The following PLEKHJ1 variants were observed in gnomAD, a reference collection of about 807,000 sequenced individuals.
The protein encoded by PLEKHJ1 is pleckstrin homology domain containing J1, also known as pleckstrin homology domain-containing family J member 1.
PLEKHJ1 carries 20 observed loss-of-function variants against 21.7 expected under a neutral mutation model. That is an observed-to-expected ratio of 0.92 (90% CI 0.65 to 1.34). PLEKHJ1 has a LOEUF of 1.34. Among genes scored for constraint, PLEKHJ1 ranks in the 40% most tolerant of loss-of-function variants. The probability of loss-of-function intolerance (pLI) is 0.00; values close to 1 mark genes in which losing one functional copy is unlikely to be tolerated. For missense variants in PLEKHJ1, 241 were observed against 202.0 expected (o/e 1.19, Z -1.17); for synonymous variants, 113 against 80.6 (o/e 1.40, Z -2.15).
chr19:2,234,272 C>A, intron 3 of PLEKHJ1, 32 bp from the exon 4 acceptor site: 1 of 1,543,952 alleles, frequency 6.5e-7, no homozygotes, highest in Admixed American at 1.7e-5. Context: ...TCGGTCCTAC[C>A]CACAGCCACA....
chr19:2,236,228 C>T lies in PLEKHJ1; in HGVS notation c.21G>A (p.Glu7=). Residue 7 remains glutamate (E), a synonymous_variant, in exon 1 of 6, where the codon GAG becomes GAA. Coordinates refer to ENST00000326631, the MANE Select transcript of PLEKHJ1 (RefSeq NM_018049.3). ...CCGGCTGCCGGGACAGAGCCTGCAG[C>T]TCCTTCTCGTTGTACCGCATGGCTC... MRYNEK[E]LQALSRQPAE... is the part of the protein sequence containing the mutation. 6.9e-7 allele frequency: 1 copy of T among 1,459,678 alleles called. No individual in the cohort carries two copies. Among genetic ancestry groups the T allele is most frequent in the Non-Finnish European group, 9.0e-7 (1 of 1,110,298 alleles). The allele number at this position is 1,459,678 out of a possible 1,614,324, so 90.4% of individuals were successfully genotyped here.
In PLEKHJ1 at chr19:2,233,859, A is replaced by G. The variant is rs1489799533; in HGVS notation, c.431T>C (p.Leu144Pro). The part of the protein sequence containing the change: ...FGISEEARFQ[L>P]SGLQA Reference sequence around the variant, plus strand: ...CTGCGCTCACGCCTGCAAGCCACTCAGCTGGAACCTGGCCTCCTCGGATAT... The same window carrying G: ...CTGCGCTCACGCCTGCAAGCCACTCGGCTGGAACCTGGCCTCCTCGGATAT... The change falls in exon 6 of 6, where the codon CTG becomes CCG. Residue 144 changes from leucine to proline, a missense_variant. Coordinates refer to ENST00000326631, the MANE Select transcript of PLEKHJ1 (RefSeq NM_018049.3). 6.2e-7 allele frequency: 1 copy of G among 1,611,344 alleles called. No homozygotes were observed. Among genetic ancestry groups the G allele is most frequent in the Non-Finnish European group, 8.5e-7 (1 of 1,179,602 alleles).
chr19:2,235,325 G>A (rs1388470023), intron 3 of PLEKHJ1: 2 of 166,666 alleles, frequency 1.2e-5, no homozygotes, highest in Middle Eastern at 2.6e-3. Context: ...AACTAGCAGG[G>A]ACTCCATCTT....
Position 2,235,929 on chromosome 19 carries a change from C to T in PLEKHJ1, c.156G>A (p.Glu52=). Residue 52 remains glutamate (E), a synonymous_variant, in exon 2 of 6, where the codon GAG becomes GAA. Transcript: ENST00000326631. ...VNFLFYFRTD[E]AEPVGALLLE... ...GCGCCCGGGACGCCCCTACCTCGGC[C>T]TCGTCTGTCCGAAAGTAGAAGAGGA... 4 of 1,609,992 alleles carry T rather than the reference C, an allele frequency of 2.5e-6. No individual in the cohort carries two copies. The highest frequency in any genetic ancestry group is 3.4e-6 in the Non-Finnish European group (4 of 1,178,844).
rs1281257961 is a variant in PLEKHJ1, at chr19:2,235,776, C to T, written c.215G>A (p.Gly72Asp). Residue 72 changes from glycine (G) to aspartate (D), a missense_variant, in exon 3 of 6, where the codon GGC (glycine) becomes GAC (aspartate). Gly to Asp is a moderately conservative substitution (Grantham distance 94). Coordinates refer to ENST00000326631, the MANE Select transcript of PLEKHJ1 (RefSeq NM_018049.3). ...GCCCCACTCACTGATGGAGAAGGTG[C>T]CGGGCTCTTCCCGGACGACTCTGCA... ...ERCRVVREEP[G>D]TFSISFIEDP... is the part of the protein sequence containing the mutation. 6.5e-7 allele frequency: 1 copy of T among 1,549,182 alleles called. No homozygotes were observed. Among genetic ancestry groups the T allele is most frequent in the South Asian group, 1.2e-5 (1 of 84,090 alleles).
Position 2,235,794 on chromosome 19 carries a change from A to C in PLEKHJ1, c.197T>G (p.Val66Gly). The C allele has an allele frequency of 6.5e-7, 1 of 1,550,270 alleles. No homozygotes were observed. Among genetic ancestry groups the C allele is most frequent in the Non-Finnish European group, 8.7e-7 (1 of 1,147,246 alleles). ...VGALLLERCR[V>G]VREEPGTFSI... Reference sequence around the variant, plus strand: ...GAAGGTGCCGGGCTCTTCCCGGACGACTCTGCAGCGCTCCAGCAGCAGGGC... The same window carrying C: ...GAAGGTGCCGGGCTCTTCCCGGACGCCTCTGCAGCGCTCCAGCAGCAGGGC... The change falls in exon 3 of 6, where the codon GTC becomes GGC. Residue 66 changes from valine (V) to glycine (G), a missense_variant. Val to Gly is a moderately radical substitution (Grantham distance 109). Transcript: ENST00000326631.
At chr19:2,235,420 G>A (rs751816386) in intron 3 of PLEKHJ1, 3 of 280,020 alleles carry the variant, frequency 1.1e-5, no homozygotes, top group African/African-American at 2.2e-5. Context: ...CCAGCCCGGG[G>A]CCATATAACA....
At chr19:2,230,654 TAG>T, downstream of PLEKHJ1, 1 of 398,562 alleles carries the variant, frequency 2.5e-6, no homozygotes, top group Non-Finnish European at 4.4e-6. Context: ...CAGTATTTTA[TAG>T]AGATGTGATG....
At chr19:2,230,454 C>CT, downstream of PLEKHJ1, 1 of 399,566 alleles carries the variant, frequency 2.5e-6, no homozygotes, top group African/African-American at 2.1e-5. Context: ...GTGAAGGGGC[C>CT]TGCGCGGTGA....
intron 1 of PLEKHJ1, 23 bp from the exon 2 acceptor site, chr19:2,236,013 G>A (rs1210909414): frequency 2.5e-6 from 4 of 1,595,032 alleles, no homozygotes; most frequent in Admixed American, 1.7e-5. Context: ...CGCGCACTCA[G>A]GGGCGCAGGC....
chr19:2,235,950 G>A lies in PLEKHJ1; in HGVS notation c.135C>T (p.Leu45=), dbSNP rs760709205. 6.2e-6 allele frequency: 10 copies of A among 1,610,580 alleles called. No individual in the cohort carries two copies. In the South Asian group the frequency reaches 8.8e-5, roughly 14 times the overall value. Residue 45 remains leucine, a synonymous_variant, in exon 2 of 6, where the codon CTC becomes CTT. Coordinates refer to ENST00000326631, the MANE Select transcript of PLEKHJ1 (RefSeq NM_018049.3). The part of the protein sequence containing the change: ...RRLVKLVVNF[L]FYFRTDEAEP... ...CGGCCTCGTCTGTCCGAAAGTAGAA[G>A]AGGAAATTCACCACCAGCTTCACCA...
chr19:2,234,332 A>C (rs987506167), intron 3 of PLEKHJ1, 92 bp from the exon 4 acceptor site: 7 of 920,784 alleles, frequency 7.6e-6, no homozygotes, highest in Non-Finnish European at 1.0e-5. Flanking sequence ...TCTGGCCCCC[A>C]CAAAGATGTG....
chr19:2,232,393 C>T (rs369931693), downstream of PLEKHJ1: 236 of 217,052 alleles, frequency 1.1e-3, 1 homozygote, highest in African/African-American at 4.6e-3. Context: ...CAACACAACA[C>T]GCTGCTGGTC....
At position 2,235,909 on chromosome 19, in the gene PLEKHJ1, C is replaced by T. The variant is rs754656943; in HGVS notation, c.162+14G>A. On this transcript the variant is annotated intron_variant, in intron 2 of 5. Transcript: ENST00000326631. ...CCAGCCTGGGACCCGCCCGCGCGCC[C>T]GGGACGCCCCTACCTCGGCCTCGTC... 2 of 1,607,478 alleles carry T rather than the reference C, an allele frequency of 1.2e-6. No homozygotes were observed. The highest frequency in any genetic ancestry group is 1.1e-5 in the South Asian group (1 of 90,404).
downstream of PLEKHJ1, chr19:2,230,749 A>T: frequency 2.5e-6 from 1 of 397,386 alleles, no homozygotes; most frequent in Non-Finnish European, 4.4e-6. Context: ...AAGCGAGGGG[A>T]AAAAACCTTA....
In PLEKHJ1 at chr19:2,236,263, C is replaced by G; in HGVS notation, c.-15G>C. The stretch of plus-strand genomic sequence containing the variant: ...TTGTACCGCATGGCTCCGCGGGGAA[C>G]GGGAACCCGGGCCGCGCCCTCCCGG... On this transcript the variant is annotated 5_prime_UTR_variant, in exon 1 of 6. Coordinates refer to ENST00000326631, the MANE Select transcript of PLEKHJ1 (RefSeq NM_018049.3). 8.8e-6 allele frequency: 12 copies of G among 1,359,236 alleles called. No homozygotes were observed. Among genetic ancestry groups the G allele is most frequent in the Non-Finnish European group, 1.1e-5 (12 of 1,055,412 alleles). 84.2% of individuals were successfully genotyped at this position (1,359,236 alleles called of 1,614,324 possible). A position where few individuals can be genotyped will look rare whatever the true frequency, so the allele number is the denominator to read the frequency against.
chr19:2,235,281 C>T (rs750540043), intron 3 of PLEKHJ1: 1 of 156,648 alleles, frequency 6.4e-6, no homozygotes, highest in South Asian at 1.9e-4. Flanking sequence ...TTTAAGCCAC[C>T]TGGCCTGTGG....
At chr19:2,231,734 G>T (rs889893935), downstream of PLEKHJ1, 7 of 213,596 alleles carry the variant, frequency 3.3e-5, no homozygotes, top group East Asian at 4.8e-4. Context: ...AGAGACGGCC[G>T]AGTCCCTGGT....
chr19:2,231,131 C>T (rs554561373), downstream of PLEKHJ1: 1 of 229,196 alleles, frequency 4.4e-6, no homozygotes, highest in East Asian at 6.2e-5. Flanking sequence ...CAGTCAGGGC[C>T]TGGGTTGTCT....
Sources: allele counts gnomAD v4.1 joint callset, GRCh38; gene constraint gnomAD v4.1.1; transcripts MANE v1.5; gene names NCBI Gene and HGNC (gene_info 2026-07-23, HGNC 2026-07-21).